The following CACNA1C variants were observed in gnomAD, a reference collection of about 807,000 sequenced individuals.
CACNA1C encodes the protein voltage-dependent L-type calcium channel subunit alpha-1C.
In CACNA1C, 30 loss-of-function variants were observed where a neutral mutation model predicts 229.0. That is an observed-to-expected ratio of 0.13 (90% CI 0.10 to 0.18). The LOEUF is 0.18. Among genes scored for constraint, CACNA1C ranks in the 10% least tolerant of loss-of-function variants. The pLI is 1.00. For missense variants in CACNA1C, 1,658 were observed against 2,845.0 expected, an observed-to-expected ratio of 0.58 and a Z score of 9.49; for synonymous variants, 1,114 against 1,132.5, an observed-to-expected ratio of 0.98 and a Z score of 0.33.
At chr12:2,032,098 G>A (rs2048334802) in intron 1 of CACNA1C, among the ~76,000 whole-genome samples, 2 of 151,964 alleles carry the variant, frequency 1.3e-5, no homozygotes, top group African/African-American at 4.8e-5. Context: ...AGGAGGGGTG[G>A]CTCACACGTG....
intron 30 of CACNA1C, among the ~76,000 whole-genome samples, chr12:2,645,884 C>G (rs868490956): frequency 1.7e-4 from 26 of 152,166 alleles, no homozygotes; most frequent in South Asian, 2.1e-4. Context: ...AAAACTTAAT[C>G]TTTGAGTCTC....
intron 18 of CACNA1C, among the ~76,000 whole-genome samples, chr12:2,591,017 C>T (rs1041103643): frequency 1.3e-5 from 2 of 152,210 alleles, no homozygotes; most frequent in African/African-American, 2.4e-5. Flanking sequence ...AGAACTCCAA[C>T]TCTTGTCCTG....
chr12:2,469,158 A>G (rs1364273088), intron 5 of CACNA1C, among the ~76,000 whole-genome samples: 1 of 152,182 alleles, frequency 6.6e-6, no homozygotes, highest in Non-Finnish European at 1.5e-5. Context: ...ACTTGTTGGT[A>G]TATATATACA....
chr12:2,688,338 G>A, intron 45 of CACNA1C, 109 bp from the exon 46 acceptor site: 1 of 966,090 alleles, frequency 1.0e-6, no homozygotes, highest in Non-Finnish European at 1.6e-6. Context: ...CCAGGCAGGT[G>A]GAGCTAGCTG....
Position 2,303,831 on chromosome 12 carries a change from T to A in CACNA1C, c.478-145145T>A, listed in dbSNP as rs145925306. On this transcript the variant is annotated intron_variant, in intron 3 of 46. Transcript: ENST00000399655. ...GTCTGATGTCCAAGGAGGCCCCCTG[T>A]GGACGGGCCTGGCCCAGAAAACCTG... Among the ~76,000 whole-genome samples the A allele has an allele frequency of 2.9e-3, 440 of 152,322 alleles. 2 individuals are homozygous for A. The highest frequency in any genetic ancestry group is 0.01 in the Middle Eastern group (3 of 294).
Position 2,112,452 on chromosome 12 carries a change from T to TCAATG in CACNA1C, c.50-2772_50-2771insCAATG, listed in dbSNP as rs1565766740. Among the ~76,000 whole-genome samples, 23 of 151,412 alleles carry TCAATG rather than the reference T, an allele frequency of 1.5e-4. No individual in the cohort carries two copies. The East Asian group carries it at 3.7e-3, about 24-fold the overall frequency. On this transcript the variant is annotated intron_variant, in intron 1 of 46. Coordinates refer to ENST00000399655, the MANE Select transcript of CACNA1C (RefSeq NM_000719.7). The stretch of plus-strand genomic sequence containing the variant: ...CGTCCTCCGTGAGCCTGATGTTCTG[T>TCAATG]TTAATGCAGTTTATCCCTGGGGCAG...
At chr12:2,163,139 C>T (rs889121478) in intron 3 of CACNA1C, among the ~76,000 whole-genome samples, 3 of 147,766 alleles carry the variant, frequency 2.0e-5, no homozygotes, top group South Asian at 2.2e-4. Flanking sequence ...CAGGGGCTAC[C>T]GTGAGCCGAG....
At chr12:2,669,720 G>T (rs758824545) in intron 38 of CACNA1C, among the ~76,000 whole-genome samples, 1 of 152,180 alleles carries the variant, frequency 6.6e-6, no homozygotes, top group Non-Finnish European at 1.5e-5. Context: ...GGAGGTCATC[G>T]CACACATTGT....
At chr12:2,086,348 C>T (rs151336097) in intron 1 of CACNA1C, among the ~76,000 whole-genome samples, 15 of 152,294 alleles carry the variant, frequency 9.8e-5, no homozygotes, top group African/African-American at 3.1e-4. Context: ...CTGTGGCATC[C>T]CTTTGATGTA....
chr12:2,565,287 T>G (rs955655544), intron 11 of CACNA1C, among the ~76,000 whole-genome samples: 2 of 150,926 alleles, frequency 1.3e-5, no homozygotes, highest in Non-Finnish European at 3.0e-5. Flanking sequence ...GCTAACAAGG[T>G]GAAACCCGTC....
intron 3 of CACNA1C, among the ~76,000 whole-genome samples, chr12:2,264,380 A>G (rs1408987743): frequency 6.6e-6 from 1 of 152,242 alleles, no homozygotes; most frequent in African/African-American, 2.4e-5. Context: ...GCCCTTGATT[A>G]GACCTGCAGA....
upstream of CACNA1C, among the ~76,000 whole-genome samples, chr12:2,048,060 A>T (rs2051388439): frequency 6.6e-6 from 1 of 152,232 alleles, no homozygotes; most frequent in South Asian, 2.1e-4. Context: ...CAGGAGCTGG[A>T]GGAGCTGTGG....
intron 1 of CACNA1C, among the ~76,000 whole-genome samples, chr12:1,979,325 T>A (rs1394130220): frequency 1.3e-5 from 2 of 149,724 alleles, no homozygotes; most frequent in Non-Finnish European, 3.0e-5. Flanking sequence ...TTTTGTTTGT[T>A]TGTCTTTGAG....
At chr12:2,200,680 A>G (rs2097556053) in intron 3 of CACNA1C, among the ~76,000 whole-genome samples, 1 of 152,202 alleles carries the variant, frequency 6.6e-6, no homozygotes, top group Non-Finnish European at 1.5e-5. Context: ...TGGGAATGAC[A>G]AGGGCTGACA....
intron 9 of CACNA1C, among the ~76,000 whole-genome samples, chr12:2,544,170 G>A (rs554317612): frequency 2.0e-4 from 31 of 151,702 alleles, no homozygotes; most frequent in East Asian, 1.4e-3. Flanking sequence ...AAAACCTGCC[G>A]GTTATGAAGT....
chr12:2,418,683 C>G (rs1197300732), intron 3 of CACNA1C, among the ~76,000 whole-genome samples: 2 of 152,214 alleles, frequency 1.3e-5, no homozygotes, highest in Non-Finnish European at 2.9e-5. Flanking sequence ...TCAAAGAGCA[C>G]TTGGGCAATC....
At position 2,692,722 on chromosome 12, in the gene CACNA1C, C is replaced by T. The variant is rs1242054507; in HGVS notation, c.*1523C>T. On this transcript the variant is annotated 3_prime_UTR_variant, in exon 47 of 47. Coordinates refer to ENST00000399655, the MANE Select transcript of CACNA1C (RefSeq NM_000719.7). ...AGAAGGCATTTTGCTTCAATATATT[C>T]CGTGTAATGTTTTATTGCATTGATA... The T allele has an allele frequency of 6.6e-6, 1 of 152,582 alleles. No homozygotes were observed. Among genetic ancestry groups the T allele is most frequent in the Admixed American group, 6.5e-5 (1 of 15,282 alleles). The allele number at this position is 152,582 out of a possible 1,614,324, so 9.5% of individuals were successfully genotyped here.
chr12:2,680,336 C>G (rs766039684), intron 42 of CACNA1C: 2 of 1,490,928 alleles, frequency 1.3e-6, no homozygotes, highest in Admixed American at 4.1e-5. Context: ...ACTCTTTTCT[C>G]CTTGTCCTCT....
chr12:1,988,531 T>C (rs2038455366), intron 1 of CACNA1C, among the ~76,000 whole-genome samples: 1 of 152,186 alleles, frequency 6.6e-6, no homozygotes, highest in Non-Finnish European at 1.5e-5. Flanking sequence ...AACGCTCATG[T>C]TTGTGAACAA....
Sources: gnomAD v4.1 joint callset for allele counts (sites outside exome capture counted in the v4.1 genomes callset) on GRCh38, gnomAD v4.1.1 for gene constraint, MANE v1.5 for transcripts, NCBI Gene and HGNC (gene_info 2026-07-23, HGNC 2026-07-21) for gene names.